Variants in BST1 observed in about 807,000 individuals in gnomAD.
The protein encoded by BST1 is ADP-ribosyl cyclase/cyclic ADP-ribose hydrolase 2.
A neutral mutation model predicts 40.6 loss-of-function variants in BST1; 49 were observed. The observed-to-expected ratio is 1.21, with a 90% CI of 0.96 to 1.53. BST1 has a LOEUF of 1.53. BST1 is among the 40% of genes most tolerant of loss of function. The pLI is 0.00. For synonymous variants in BST1, 157 were observed against 159.3 expected, an observed-to-expected ratio of 0.99 and a Z score of 0.11; for missense variants, 423 against 395.9, an observed-to-expected ratio of 1.07 and a Z score of -0.58.
chr4:15,773,990 C>G, the BST1 span, among the ~76,000 whole-genome samples: 7 of 152,092 alleles, frequency 4.6e-5, no homozygotes, highest in East Asian at 1.3e-3. Context: ...ACCCTCAGTA[C>G]CTTAGAATGT....
chr4:15,739,909 G>A (rs1158640264), downstream of BST1, among the ~76,000 whole-genome samples: 9 of 151,896 alleles, frequency 5.9e-5, no homozygotes, highest in African/African-American at 1.9e-4. Flanking sequence ...GAAAAGGAGA[G>A]GGAGACATTG....
intron 6 of BST1, among the ~76,000 whole-genome samples, 177 bp downstream of exon 6, chr4:15,715,976 C>T (rs752751610): frequency 3.9e-5 from 6 of 152,188 alleles, no homozygotes; most frequent in Non-Finnish European, 5.9e-5. Flanking sequence ...TAGCCAGTCC[C>T]GAGCCCAGAG....
chr4:15,745,058 T>C, the BST1 span, among the ~76,000 whole-genome samples: 1 of 152,234 alleles, frequency 6.6e-6, no homozygotes, highest in Admixed American at 6.5e-5. Context: ...ATTAAAATTA[T>C]CTGCAACTTT....
chr4:15,714,648 A>T (rs1420093444), intron 4 of BST1, among the ~76,000 whole-genome samples: 2 of 152,210 alleles, frequency 1.3e-5, no homozygotes. Flanking sequence ...TGCACTATAC[A>T]TCTCTGTGCA....
At chr4:15,773,002 T>C in the BST1 span, among the ~76,000 whole-genome samples, 2 of 152,124 alleles carry the variant, frequency 1.3e-5, no homozygotes, top group Admixed American at 6.6e-5. Context: ...GTAAAAGTTA[T>C]ATCTTTGAAA....
the BST1 span, among the ~76,000 whole-genome samples, chr4:15,768,785 C>G: frequency 6.6e-6 from 1 of 152,086 alleles, no homozygotes; most frequent in Non-Finnish European, 1.5e-5. Context: ...CGTGAGCCAC[C>G]GCGCCCGGCC....
chr4:15,723,652 G>A (rs1720947249), intron 8 of BST1: 1 of 970,956 alleles, frequency 1.0e-6, no homozygotes, highest in Non-Finnish European at 1.2e-6. Flanking sequence ...TATAATCCTT[G>A]ATTATATACT....
intron 1 of BST1, 58 bp downstream of exon 1, chr4:15,703,390 T>C (rs1034228546): frequency 6.0e-6 from 8 of 1,337,724 alleles, no homozygotes; most frequent in South Asian, 1.5e-5. Context: ...GGGGAGGGCC[T>C]GGGGAGGGGA....
intron 2 of BST1, 48 bp from the exon 3 acceptor site, chr4:15,707,463 G>A (rs779189188): frequency 8.1e-6 from 13 of 1,612,226 alleles, no homozygotes; most frequent in African/African-American, 4.0e-5. Context: ...CTGAGGAGTC[G>A]GTTTTGATTC....
chr4:15,719,299 G>A (rs1465856084), intron 7 of BST1, among the ~76,000 whole-genome samples: 2 of 152,020 alleles, frequency 1.3e-5, no homozygotes, highest in East Asian at 3.8e-4. Context: ...TGGAGTACAG[G>A]GACTGAGGTT....
At chr4:15,763,452 G>T in the BST1 span, among the ~76,000 whole-genome samples, 90,518 of 151,384 alleles carry the variant, frequency 0.6, 28,134 homozygotes, top group African/African-American at 0.77. Flanking sequence ...TTCTTTGTAC[G>T]CTTCTTATTT....
chr4:15,705,523 A>T lies in BST1; in HGVS notation c.197A>T (p.Asn66Ile). ...CTTGTACTTTTGCACAGGAACAAGA[A>T]CTGCACAGCCATCTGGGAAGCCTTT... ...ALLSPEQRNK[N>I]CTAIWEAFKV... The change falls in exon 2 of 9, where the codon AAC (asparagine) becomes ATC (isoleucine). Residue 66 changes from asparagine to isoleucine, a missense_variant. Physicochemically the swap from Asn to Ile is moderately radical, Grantham distance 149. Coordinates refer to ENST00000265016, the MANE Select transcript of BST1 (RefSeq NM_004334.3). The T allele has an allele frequency of 6.3e-7, 1 of 1,583,980 alleles. No individual in the cohort carries two copies. Among genetic ancestry groups the T allele is most frequent in the Non-Finnish European group, 8.6e-7 (1 of 1,167,348 alleles).
chr4:15,728,643 C>CTTTTT (rs869200119), intron 8 of BST1, among the ~76,000 whole-genome samples: 5 of 119,804 alleles, frequency 4.2e-5, no homozygotes, highest in Admixed American at 8.7e-5. Context: ...TCCTTCCTTC[C>CTTTTT]TTTTTTTTTT....
downstream of BST1, among the ~76,000 whole-genome samples, chr4:15,739,125 C>A (rs994874671): frequency 4.6e-5 from 7 of 152,200 alleles, no homozygotes; most frequent in African/African-American, 1.7e-4. Flanking sequence ...TGCTGGAGAA[C>A]AGGGCACAGC....
intron 3 of BST1, 36 bp downstream of exon 3, chr4:15,707,682 A>C (rs748310416): frequency 2.5e-6 from 4 of 1,607,670 alleles, no homozygotes; most frequent in Non-Finnish European, 3.4e-6. Flanking sequence ...AGACTTAAGA[A>C]CTCCTATTTA....
At chr4:15,719,077 C>A in intron 7 of BST1, 84 bp downstream of exon 7, 1 of 1,176,776 alleles carries the variant, frequency 8.5e-7, no homozygotes, top group Non-Finnish European at 1.2e-6. Flanking sequence ...GTATTGATGG[C>A]TCTCAGCTCT....
intron 8 of BST1, among the ~76,000 whole-genome samples, chr4:15,729,969 T>G (rs1721295399): frequency 6.6e-6 from 1 of 152,214 alleles, no homozygotes; most frequent in South Asian, 2.1e-4. Flanking sequence ...ATGTGTTATT[T>G]TATTTTTTAA....
At chr4:15,754,677 G>A in the BST1 span, among the ~76,000 whole-genome samples, 12,369 of 152,156 alleles carry the variant, frequency 0.081, 1,287 homozygotes, top group African/African-American at 0.25. Context: ...CTTTCCCAGC[G>A]GTCCATTTTT....
At chr4:15,737,902 G>A in exon 7 of BST1, 1 of 958,482 alleles carries the variant, frequency 1.0e-6, no homozygotes, top group Non-Finnish European at 1.5e-6. Flanking sequence ...GGCAAGAGTT[G>A]AGTCAATTGC....
Sources: allele counts gnomAD v4.1 joint callset (sites outside exome capture counted in the v4.1 genomes callset), GRCh38; gene constraint gnomAD v4.1.1; transcripts MANE v1.5; gene names NCBI Gene and HGNC (gene_info 2026-07-23, HGNC 2026-07-21).